VAPA: variants seen among roughly 807,000 people sequenced by gnomAD.
The protein encoded by VAPA is VAMP associated protein A, also known as vesicle-associated membrane protein-associated protein A.
A neutral mutation model predicts 25.6 loss-of-function variants in VAPA; 6 were observed. The observed-to-expected ratio is 0.23, with a 90% CI of 0.13 to 0.46. The LOEUF is 0.46. Among genes scored for constraint, VAPA ranks in the 20% least tolerant of loss-of-function variants. The pLI, the probability that VAPA is intolerant of heterozygous loss-of-function variation, is 0.99. For missense variants in VAPA, 244 were observed against 302.1 expected (o/e 0.81, Z 1.43); for synonymous variants, 112 against 106.2 (o/e 1.05, Z -0.34).
intron 1 of VAPA, 155 bp from the exon 2 acceptor site, chr18:9,931,655 C>G (rs2069256193): frequency 1.9e-6 from 1 of 523,826 alleles, no homozygotes; most frequent in African/African-American, 2.0e-5. Context: ...AGTCTGCCAC[C>G]TCGAGAAAGG....
chr18:9,923,902 A>G (rs73393457), intron 1 of VAPA: 43 of 164,098 alleles, frequency 2.6e-4, no homozygotes, highest in African/African-American at 9.8e-4. Flanking sequence ...TGGAAAAAGT[A>G]TAGATATTAT....
At position 9,956,596 on chromosome 18, in the gene VAPA, CTG is replaced by C. The variant is rs200025034; in HGVS notation, c.*2387_*2388del. On this transcript the variant is annotated 3_prime_UTR_variant, in exon 6 of 6. Transcript: ENST00000400000. ...ATGCTCTGATTGTATAGGTGAGACT[CTG>C]TTTCTGTTATTTTTAATTGCTGTAT... 2.0e-5 allele frequency: 3 copies of C among 152,628 alleles called. No individual in the cohort carries two copies. The highest frequency in any genetic ancestry group is 1.9e-4 in the East Asian group (1 of 5,184). The allele number at this position is 152,628 out of a possible 1,614,324, so 9.5% of individuals were successfully genotyped here.
chr18:9,927,127 A>T (rs982039978), intron 1 of VAPA, among the ~76,000 whole-genome samples: 1 of 152,160 alleles, frequency 6.6e-6, no homozygotes, highest in Non-Finnish European at 1.5e-5. Context: ...ATGCATACTG[A>T]GATGTTCAGG....
At chr18:9,916,307 A>G (rs1358944071) in intron 1 of VAPA, among the ~76,000 whole-genome samples, 1 of 152,222 alleles carries the variant, frequency 6.6e-6, no homozygotes, top group African/African-American at 2.4e-5. Context: ...TTGTGTTGCC[A>G]GTAAAAATAA....
chr18:9,948,984 A>G (rs940735434), intron 4 of VAPA: 1 of 152,236 alleles, frequency 6.6e-6, no homozygotes, highest in Non-Finnish European at 1.5e-5. Flanking sequence ...CCTCCTTTAT[A>G]GAGTAAGTCA....
intron 4 of VAPA, chr18:9,944,822 T>C (rs2069404365): frequency 2.2e-6 from 3 of 1,375,432 alleles, no homozygotes; most frequent in Non-Finnish European, 2.9e-6. Context: ...AAAGTGTTAA[T>C]GTTTAGAGCC....
Position 9,959,958 on chromosome 18 carries a change from T to C in VAPA, c.*5747T>C, listed in dbSNP as rs548178834. On this transcript the variant is annotated 3_prime_UTR_variant, in exon 6 of 6. Transcript: ENST00000400000. Reference sequence around the variant, plus strand: ...GGGTATTAAGCTACTTTGAATTAAATTTAAGGATATATTTCACATGAAAAC... The same window carrying C: ...GGGTATTAAGCTACTTTGAATTAAACTTAAGGATATATTTCACATGAAAAC... 4.2e-4 allele frequency: 63 copies of C among 150,306 alleles called. No homozygotes were observed. Among genetic ancestry groups the C allele is most frequent in the African/African-American group, 1.5e-3 (62 of 41,088 alleles). 9.3% of individuals were successfully genotyped at this position (150,306 alleles called of 1,614,324 possible). A position where few individuals can be genotyped will look rare whatever the true frequency, so the allele number is the denominator to read the frequency against.
At chr18:9,917,223 T>C (rs962022469) in intron 1 of VAPA, among the ~76,000 whole-genome samples, 123 of 152,362 alleles carry the variant, frequency 8.1e-4, no homozygotes, top group African/African-American at 2.9e-3. Flanking sequence ...AAGATTTTTT[T>C]TGTCTTTAAA....
At chr18:9,930,803 C>A (rs1425230500) in intron 1 of VAPA, among the ~76,000 whole-genome samples, 1 of 151,730 alleles carries the variant, frequency 6.6e-6, no homozygotes, top group Non-Finnish European at 1.5e-5. Flanking sequence ...ATTTTTATCT[C>A]CTTCCTCTCA....
At chr18:9,948,705 T>TG (rs1418794016) in intron 4 of VAPA, 1 of 152,306 alleles carries the variant, frequency 6.6e-6, no homozygotes, top group Non-Finnish European at 1.5e-5. Flanking sequence ...AGATTACAGG[T>TG]GCACACCACC....
At chr18:9,922,163 T>C (rs936389024) in intron 1 of VAPA, among the ~76,000 whole-genome samples, 2 of 152,154 alleles carry the variant, frequency 1.3e-5, no homozygotes, top group East Asian at 3.9e-4. Flanking sequence ...GTAGAGACAG[T>C]CTTGCTATTT....
At chr18:9,944,682 A>G (rs1032297993) in intron 4 of VAPA, among the ~76,000 whole-genome samples, 2 of 152,278 alleles carry the variant, frequency 1.3e-5, no homozygotes, top group Admixed American at 6.5e-5. Flanking sequence ...TGTACATTTA[A>G]TAGGTGCATG....
chr18:9,941,515 T>G (rs971761655), intron 4 of VAPA, among the ~76,000 whole-genome samples: 1 of 152,228 alleles, frequency 6.6e-6, no homozygotes, highest in Non-Finnish European at 1.5e-5. Flanking sequence ...TCTTAATATT[T>G]TATTCATGTG....
In VAPA at chr18:9,959,266, TTC is replaced by T. The variant is rs1382256077; in HGVS notation, c.*5056_*5057del. On this transcript the variant is annotated 3_prime_UTR_variant, in exon 6 of 6. Coordinates refer to ENST00000400000, the MANE Select transcript of VAPA (RefSeq NM_194434.3). ...TATGGCAATTTTGTGATGCCTTTGA[TTC>T]CACTTTACATGGAGTACTATTATTT... 6.6e-6 allele frequency: 1 copy of T among 152,220 alleles called. No individual in the cohort carries two copies. The highest frequency in any genetic ancestry group is 2.4e-5 in the African/African-American group (1 of 41,458). 9.4% of individuals were successfully genotyped at this position (152,220 alleles called of 1,614,324 possible).
intron 4 of VAPA, chr18:9,945,116 T>A: frequency 1.3e-6 from 2 of 1,568,858 alleles, no homozygotes; most frequent in South Asian, 1.2e-5. Context: ...GTTAAGTTAA[T>A]GTAGATACCT....
intron 1 of VAPA, among the ~76,000 whole-genome samples, chr18:9,918,514 G>A (rs1044441634): frequency 6.6e-5 from 10 of 151,984 alleles, no homozygotes; most frequent in Admixed American, 5.9e-4. Context: ...AGTACCGACA[G>A]TTTCTCTAAA....
intron 1 of VAPA, among the ~76,000 whole-genome samples, chr18:9,927,083 ATTCTC>A (rs950159730): frequency 2.0e-5 from 3 of 152,240 alleles, no homozygotes; most frequent in Non-Finnish European, 4.4e-5. Flanking sequence ...TTAAAATTTT[ATTCTC>A]TTAACAGAAA....
At chr18:9,916,534 T>A (rs1038482305) in intron 1 of VAPA, among the ~76,000 whole-genome samples, 7 of 152,208 alleles carry the variant, frequency 4.6e-5, no homozygotes, top group African/African-American at 1.7e-4. Context: ...CCCAATAGTT[T>A]GTTGTGTGTT....
At chr18:9,934,830 C>T (rs1362602772) in intron 2 of VAPA, among the ~76,000 whole-genome samples, 1 of 152,140 alleles carries the variant, frequency 6.6e-6, no homozygotes, top group Non-Finnish European at 1.5e-5. Flanking sequence ...AAAAATTGCT[C>T]ACGCCTGTAA....
Sources: gnomAD v4.1 joint callset for allele counts (sites outside exome capture counted in the v4.1 genomes callset) on GRCh38, gnomAD v4.1.1 for gene constraint, MANE v1.5 for transcripts, NCBI Gene and HGNC (gene_info 2026-07-23, HGNC 2026-07-21) for gene names.